Variants in SNX29 observed in about 807,000 individuals in gnomAD.
The protein encoded by SNX29 is sorting nexin-29.
A neutral mutation model predicts 102.1 loss-of-function variants in SNX29; 78 were observed. That is an observed-to-expected ratio of 0.76 (90% CI 0.64 to 0.92). SNX29 has a LOEUF of 0.92. Among genes scored for constraint, SNX29 ranks in the 40% least tolerant of loss-of-function variants. The probability of loss-of-function intolerance (pLI) is 0.00; values close to 1 mark genes in which losing one functional copy is unlikely to be tolerated. For synonymous variants in SNX29, 580 were observed against 414.5 expected (o/e 1.40, Z -4.85); for missense variants, 1,280 against 1,061.7 (o/e 1.21, Z -2.86).
At chr16:12,549,731 GT>G (rs2077846787) in intron 20 of SNX29, among the ~76,000 whole-genome samples, 1 of 152,238 alleles carries the variant, frequency 6.6e-6, no homozygotes, top group African/African-American at 2.4e-5. Context: ...CCTACAAAGT[GT>G]GTTCCAGCAT....
chr16:12,035,856 T>C (rs2057457994), intron 4 of SNX29, among the ~76,000 whole-genome samples: 1 of 152,218 alleles, frequency 6.6e-6, no homozygotes, highest in South Asian at 2.1e-4. Context: ...GATTACTTGT[T>C]CTTTCCTGGT....
At chr16:12,437,708 G>A (rs551248247) in intron 18 of SNX29, among the ~76,000 whole-genome samples, 118 of 152,206 alleles carry the variant, frequency 7.8e-4, no homozygotes, top group Non-Finnish European at 1.4e-3. Flanking sequence ...GGAGCACACC[G>A]GCACCCAGAT....
intron 14 of SNX29, among the ~76,000 whole-genome samples, chr16:12,208,843 TAAAA>T (rs34312513): frequency 1.4e-5 from 2 of 143,934 alleles, no homozygotes; most frequent in Non-Finnish European, 1.5e-5. Context: ...CATGTCTCTT[TAAAA>T]AAAAAAAAAA....
chr16:12,569,002 G>A lies in SNX29; in HGVS notation c.*373G>A, dbSNP rs1035579091. On this transcript the variant is annotated 3_prime_UTR_variant, in exon 21 of 21. Transcript: ENST00000566228. ...GAGGCAAAGGTGATCCCCTATATAG[G>A]AAGGTTCATGCAGAGCCAGCCTCTC... 3.5e-5 allele frequency: 10 copies of A among 283,978 alleles called. No individual in the cohort carries two copies. The highest frequency in any genetic ancestry group is 2.1e-4 in the African/African-American group (10 of 46,566). 17.6% of individuals were successfully genotyped at this position (283,978 alleles called of 1,614,324 possible). A position where few individuals can be genotyped will look rare whatever the true frequency, so the allele number is the denominator to read the frequency against.
intron 13 of SNX29, chr16:12,135,739 C>A: frequency 3.1e-6 from 2 of 636,406 alleles, no homozygotes; most frequent in Non-Finnish European, 4.8e-6. Context: ...ATTCCTTGAG[C>A]CATTTGTGGT....
rs2079116040 is a variant in SNX29 at position 12,568,670 on chromosome 16, A to C, written c.*41A>C. 2 of 1,590,712 alleles carry C rather than the reference A, an allele frequency of 1.3e-6. No homozygotes were observed. Among genetic ancestry groups the C allele is most frequent in the Non-Finnish European group, 1.7e-6 (2 of 1,175,084 alleles). ...AGCCACGGGCCCTGTGCGTGGCACC[A>C]GCTGCGTCCACCCCAGCCACTGCCG... On this transcript the variant is annotated 3_prime_UTR_variant, in exon 21 of 21. Coordinates refer to ENST00000566228, the MANE Select transcript of SNX29 (RefSeq NM_032167.5).
intron 14 of SNX29, 48 bp downstream of exon 14, chr16:12,199,731 T>C (rs761708125): frequency 7.3e-6 from 11 of 1,508,560 alleles, no homozygotes; most frequent in Non-Finnish European, 9.1e-6. Context: ...GCTTTTCCAT[T>C]AACACCTGTA....
At chr16:12,462,048 T>TACACACACACACACACACACACAC in intron 18 of SNX29, among the ~76,000 whole-genome samples, 1 of 116,164 alleles carries the variant, frequency 8.6e-6, no homozygotes, top group East Asian at 2.9e-4. Flanking sequence ...CACACACTCT[T>TACACACACACACACACACACACAC]ATATATGAGA....
At chr16:12,336,163 T>G (rs977433899) in intron 15 of SNX29, among the ~76,000 whole-genome samples, 2 of 152,196 alleles carry the variant, frequency 1.3e-5, no homozygotes, top group African/African-American at 4.8e-5. Flanking sequence ...CATTGATTAT[T>G]CTCAGAGTAG....
At chr16:12,113,111 C>G (rs1435693113) in intron 11 of SNX29, among the ~76,000 whole-genome samples, 1 of 152,236 alleles carries the variant, frequency 6.6e-6, no homozygotes, top group Non-Finnish European at 1.5e-5. Context: ...GCAGCATCCT[C>G]TGCTTCCCTT....
chr16:12,410,626 G>T (rs888895517), intron 18 of SNX29, among the ~76,000 whole-genome samples: 2 of 151,988 alleles, frequency 1.3e-5, no homozygotes, highest in Admixed American at 1.3e-4. Flanking sequence ...AAGAGACAGG[G>T]TCTCACTGTG....
intron 20 of SNX29, among the ~76,000 whole-genome samples, chr16:12,530,821 G>T (rs1363327271): frequency 6.6e-6 from 1 of 152,188 alleles, no homozygotes; most frequent in East Asian, 1.9e-4. Context: ...CTCCCAAAGT[G>T]CTGGGATTAC....
intron 11 of SNX29, among the ~76,000 whole-genome samples, chr16:12,101,548 C>T (rs2053021735): frequency 1.3e-5 from 2 of 151,712 alleles, no homozygotes; most frequent in African/African-American, 4.8e-5. Context: ...CATGCCTGGC[C>T]AATTTTTGTA....
Position 12,457,149 on chromosome 16 carries a change from G to A in SNX29, c.2038-20570G>A, listed in dbSNP as rs186832624. 4.1e-3 allele frequency among the ~76,000 whole-genome samples: 624 copies of A among 152,320 alleles called. 1 individual carries two copies. Among genetic ancestry groups the A allele is most frequent in the Non-Finnish European group, 6.7e-3 (455 of 68,036 alleles). On this transcript the variant is annotated intron_variant, in intron 18 of 20. Coordinates refer to ENST00000566228, the MANE Select transcript of SNX29 (RefSeq NM_032167.5). ...CATTGTGTGTTCATGTAGCATTTAA[G>A]GAGAGTTCAACCCCTTTCCAGAATT...
At chr16:12,486,356 A>C (rs1215645865) in intron 19 of SNX29, among the ~76,000 whole-genome samples, 1 of 152,130 alleles carries the variant, frequency 6.6e-6, no homozygotes, top group African/African-American at 2.4e-5. Context: ...GCATATTCAC[A>C]GGTTCTGGGG....
intron 13 of SNX29, among the ~76,000 whole-genome samples, chr16:12,186,001 C>T (rs544613486): frequency 2.8e-4 from 43 of 152,286 alleles, no homozygotes; most frequent in African/African-American, 9.4e-4. Flanking sequence ...CCCTTAAAAC[C>T]CCAGTATTTA....
chr16:12,260,703 C>CA (rs2078709300), intron 14 of SNX29, among the ~76,000 whole-genome samples: 1 of 151,788 alleles, frequency 6.6e-6, no homozygotes, highest in Non-Finnish European at 1.5e-5. Context: ...CACGCGTCCC[C>CA]GGCTGGAGTG....
chr16:12,266,686 G>GGAA (rs368510349), intron 14 of SNX29, among the ~76,000 whole-genome samples: 2 of 130,956 alleles, frequency 1.5e-5, no homozygotes, highest in African/African-American at 5.9e-5. Flanking sequence ...ATCTATTATT[G>GGAA]AAAAAAAAAA....
At chr16:12,463,468 A>G (rs2086903172) in intron 18 of SNX29, among the ~76,000 whole-genome samples, 1 of 152,196 alleles carries the variant, frequency 6.6e-6, no homozygotes, top group South Asian at 2.1e-4. Flanking sequence ...AGGCAAAGAA[A>G]GCTTGTGCAG....
Sources: allele counts gnomAD v4.1 joint callset (sites outside exome capture counted in the v4.1 genomes callset), GRCh38; gene constraint gnomAD v4.1.1; transcripts MANE v1.5; gene names NCBI Gene and HGNC (gene_info 2026-07-23, HGNC 2026-07-21).